SORBS2: variants seen among roughly 807,000 people sequenced by gnomAD.
SORBS2 encodes sorbin and SH3 domain-containing protein 2.
Under a neutral mutation model 97.7 loss-of-function variants are expected in SORBS2, and 46 were observed. That is an observed-to-expected ratio of 0.47 (90% CI 0.37 to 0.60). The LOEUF (loss-of-function observed/expected upper bound fraction) is 0.60. Among genes scored for constraint, SORBS2 ranks in the 20% least tolerant of loss-of-function variants. The pLI, the probability that SORBS2 is intolerant of heterozygous loss-of-function variation, is 0.00. For synonymous variants in SORBS2, 476 were observed against 473.4 expected (o/e 1.01, Z -0.07); for missense variants, 1,316 against 1,282.3 (o/e 1.03, Z -0.40).
chr4:185,602,982 T>C (rs543690244), intron 12 of SORBS2, among the ~76,000 whole-genome samples: 46 of 152,364 alleles, frequency 3.0e-4, no homozygotes, highest in Middle Eastern at 3.4e-3. Context: ...CTGGAGTTAG[T>C]CAGAAGTATC....
intron 1 of SORBS2, among the ~76,000 whole-genome samples, chr4:185,846,711 G>T (rs553363487): frequency 1.4e-4 from 22 of 152,288 alleles, no homozygotes; most frequent in African/African-American, 5.3e-4. Context: ...GCAAGGCAGA[G>T]AATAGGAAGC....
intron 4 of SORBS2, among the ~76,000 whole-genome samples, chr4:185,637,535 T>C (rs1473297439): frequency 6.6e-6 from 1 of 152,242 alleles, no homozygotes; most frequent in Non-Finnish European, 1.5e-5. Context: ...TTTTCATTTT[T>C]CTTTAACAGG....
intron 1 of SORBS2, among the ~76,000 whole-genome samples, chr4:185,778,074 TA>T (rs144799145): frequency 2.6e-5 from 4 of 152,358 alleles, no homozygotes; most frequent in Non-Finnish European, 5.9e-5. Flanking sequence ...ATTTTGGACA[TA>T]GTATGTTAAA....
At position 185,803,347 on chromosome 4, in the gene SORBS2, G is replaced by A. The variant is rs191332546; in HGVS notation, c.-337-27981C>T. On this transcript the variant is annotated intron_variant, in intron 1 of 20. Coordinates refer to the SORBS2 transcript ENST00000284776. ...AAGTGAGGCACCGTTTTAAGGGTAT[G>A]TTTTCCTAATTCGATCTTCAAAGGA... Among the ~76,000 whole-genome samples the A allele has an allele frequency of 1.1e-4, 16 of 152,226 alleles. No individual in the cohort carries two copies. In the East Asian group the frequency reaches 2.3e-3, roughly 22 times the overall value.
intron 1 of SORBS2, among the ~76,000 whole-genome samples, chr4:185,827,396 T>C (rs149948616): frequency 0.031 from 250 of 7,960 alleles, 103 homozygotes; most frequent in Non-Finnish European, 0.056. Flanking sequence ...ATCATCATCA[T>C]CATCATCATC....
chr4:185,879,173 C>A lies in SORBS2; in HGVS notation c.-338+77023G>T, dbSNP rs1324485466. 6.4e-5 allele frequency among the ~76,000 whole-genome samples: 7 copies of A among 109,184 alleles called. 1 individual carries two copies. The highest frequency in any genetic ancestry group is 1.3e-4 in the Non-Finnish European group (7 of 53,072). 71.6% of individuals were successfully genotyped at this position (109,184 alleles called of 152,430 possible). On this transcript the variant is annotated intron_variant, in intron 1 of 20. Transcript: ENST00000284776. ...TCTCCTAATGCTATCCCTCCCCCCC[C>A]CCCACCCCACGACAGGCCCCGGTGT...
chr4:185,904,263 G>A (rs376290254), intron 1 of SORBS2, among the ~76,000 whole-genome samples: 2 of 152,154 alleles, frequency 1.3e-5, no homozygotes, highest in Non-Finnish European at 2.9e-5. Context: ...GTCTGTGTGC[G>A]GGAAGGAACG....
At chr4:185,822,077 A>C (rs1230253607) in intron 1 of SORBS2, among the ~76,000 whole-genome samples, 1 of 152,250 alleles carries the variant, frequency 6.6e-6, no homozygotes, top group African/African-American at 2.4e-5. Flanking sequence ...AGATGTTTCA[A>C]ATGTATTGAG....
At chr4:185,703,524 C>T (rs919806405) in intron 2 of SORBS2, among the ~76,000 whole-genome samples, 1 of 152,150 alleles carries the variant, frequency 6.6e-6, no homozygotes, top group Non-Finnish European at 1.5e-5. Context: ...TACTCCTAGC[C>T]AATATTCTCA....
rs1283217847 is a variant in SORBS2, at chr4:185,620,230, G to A, written c.2216-79C>T. ...ACCTGTTCCGCCATTTTCCCTGGTG[G>A]CCACTACTTTTTTCCCCAAATTTGG... On this transcript the variant is annotated intron_variant, in intron 7 of 14. Transcript: ENST00000418609. 37 of 934,420 alleles carry A rather than the reference G, an allele frequency of 4.0e-5. No homozygotes were observed. In the East Asian group the frequency reaches 8.9e-4, roughly 23 times the overall value. The allele number at this position is 934,420 out of a possible 1,614,324, so 57.9% of individuals were successfully genotyped here.
chr4:185,671,647 C>A (rs560337815), intron 4 of SORBS2, among the ~76,000 whole-genome samples: 3 of 152,338 alleles, frequency 2.0e-5, no homozygotes, highest in Admixed American at 6.5e-5. Flanking sequence ...ATGCTCTGCA[C>A]AAAGCCAGTA....
chr4:185,774,778 C>T (rs971781922), intron 2 of SORBS2: 9 of 151,816 alleles, frequency 5.9e-5, no homozygotes, highest in African/African-American at 1.7e-4. Context: ...GAAAGGAGAA[C>T]ATTATACAAT....
At chr4:185,859,458 T>G (rs567542442) in intron 1 of SORBS2, among the ~76,000 whole-genome samples, 214 of 152,304 alleles carry the variant, frequency 1.4e-3, no homozygotes, top group African/African-American at 5.0e-3. Flanking sequence ...TGGGCGATTT[T>G]ACAACTCCAG....
intron 2 of SORBS2, among the ~76,000 whole-genome samples, chr4:185,679,900 A>C (rs1246283282): frequency 6.6e-6 from 1 of 152,242 alleles, no homozygotes; most frequent in African/African-American, 2.4e-5. Flanking sequence ...TCTGATTTTT[A>C]GATAAAATAT....
intron 2 of SORBS2, among the ~76,000 whole-genome samples, chr4:185,768,347 C>T (rs1206844963): frequency 6.6e-6 from 1 of 152,166 alleles, no homozygotes; most frequent in Non-Finnish European, 1.5e-5. Context: ...TTTAAGATTG[C>T]ATTTCAAGAC....
At chr4:185,870,615 CA>C (rs1282787253) in intron 1 of SORBS2, among the ~76,000 whole-genome samples, 1 of 152,222 alleles carries the variant, frequency 6.6e-6, no homozygotes. Flanking sequence ...GCTCGTTCCT[CA>C]GGGGGAACCA....
intron 1 of SORBS2, among the ~76,000 whole-genome samples, chr4:185,800,385 TGA>T (rs1171702659): frequency 1.3e-5 from 2 of 152,192 alleles, no homozygotes; most frequent in African/African-American, 2.4e-5. Flanking sequence ...GAGGAGAGTG[TGA>T]GTCAGTGCCG....
chr4:185,641,423 G>A (rs933441298), intron 4 of SORBS2, among the ~76,000 whole-genome samples: 2 of 152,142 alleles, frequency 1.3e-5, no homozygotes, highest in African/African-American at 4.8e-5. Context: ...TGTGGTTGCC[G>A]TATTGAATCT....
At chr4:185,920,855 C>G (rs1482671749) in intron 1 of SORBS2, among the ~76,000 whole-genome samples, 3 of 152,106 alleles carry the variant, frequency 2.0e-5, no homozygotes, top group Non-Finnish European at 4.4e-5. Flanking sequence ...TAAATGGTAA[C>G]AAAAGTCATC....
Sources: gnomAD v4.1 joint callset for allele counts (sites outside exome capture counted in the v4.1 genomes callset) on GRCh38, gnomAD v4.1.1 for gene constraint, MANE v1.5 for transcripts, NCBI Gene and HGNC (gene_info 2026-07-23, HGNC 2026-07-21) for gene names.